CSMD2: variants seen among roughly 807,000 people sequenced by gnomAD.
The protein encoded by CSMD2 is CUB and Sushi multiple domains 2, also known as CUB and sushi domain-containing protein 2.
Under a neutral mutation model 398.5 loss-of-function variants are expected in CSMD2, and 130 were observed. The observed-to-expected ratio is 0.33, with a 90% CI of 0.28 to 0.38. The LOEUF (loss-of-function observed/expected upper bound fraction) is 0.38. Ranked by LOEUF, CSMD2 falls within the 10% of genes least tolerant of loss-of-function variation. The pLI, the probability that CSMD2 is intolerant of heterozygous loss-of-function variation, is 1.00. For synonymous variants in CSMD2, 1,828 were observed against 1,908.5 expected (o/e 0.96, Z 1.10); for missense variants, 3,829 against 4,764.9 (o/e 0.80, Z 5.78).
intron 9 of CSMD2, chr1:33,815,488 AAAAAAAGTGGGG>A (rs1485587250): frequency 6.6e-6 from 1 of 152,176 alleles, no homozygotes; most frequent in African/African-American, 2.4e-5. Flanking sequence ...AAAGTTACCC[AAAAAAAGTGGGG>A]AGTGGAGGGG....
At chr1:33,758,242 TAG>T (rs1649317261) in intron 13 of CSMD2, among the ~76,000 whole-genome samples, 1 of 152,204 alleles carries the variant, frequency 6.6e-6, no homozygotes, top group Non-Finnish European at 1.5e-5. Flanking sequence ...TTTCTTTTTC[TAG>T]AATGTTCGCT....
chr1:34,057,370 C>T (rs1221583213), intron 2 of CSMD2, among the ~76,000 whole-genome samples: 3 of 152,210 alleles, frequency 2.0e-5, no homozygotes, highest in African/African-American at 4.8e-5. Context: ...TTTCCCTTCT[C>T]CTAGACCCCT....
At chr1:34,007,330 A>G (rs560779011) in intron 3 of CSMD2, among the ~76,000 whole-genome samples, 26 of 152,326 alleles carry the variant, frequency 1.7e-4, no homozygotes, top group Admixed American at 5.2e-4. Context: ...CCATGGAACA[A>G]CAAGCTTCTG....
chr1:33,630,897 A>C (rs1642429281), intron 32 of CSMD2, among the ~76,000 whole-genome samples: 1 of 152,210 alleles, frequency 6.6e-6, no homozygotes, highest in African/African-American at 2.4e-5. Flanking sequence ...AATTTATGGC[A>C]TGAAGCCAAA....
intron 13 of CSMD2, among the ~76,000 whole-genome samples, chr1:33,754,928 GGCTGTTCATGGGTTCGA>G (rs747546651): frequency 7.2e-4 from 109 of 152,098 alleles, no homozygotes; most frequent in Non-Finnish European, 3.4e-4. Context: ...GAGGAGAAGG[GGCTGTTCATGGGTTCGA>G]GCAGGGTAGT....
rs774902906 is a variant in CSMD2 at position 33,533,228 on chromosome 1, G to C, written c.9993C>G (p.Pro3331=). ...GCGTCTCTGGCTGCCTGCAGTGGTG[G>C]GCTGGATGAGAGGAAAGACCCTGTT... ...TWSGTPPDCV[P]HHCRQPETPT... is the part of the protein sequence containing the mutation. The change falls in exon 64 of 71, where the codon CCC becomes CCG. Residue 3331 remains proline (P), a splice_region_variant and synonymous_variant. Coordinates refer to ENST00000373381, the MANE Select transcript of CSMD2 (RefSeq NM_001281956.2). The surrounding 1 kb of genome is among the most constrained non-coding windows in gnomAD (Gnocchi z 4.2). 2 of 1,613,658 alleles carry C rather than the reference G, an allele frequency of 1.2e-6. No homozygotes were observed. Among genetic ancestry groups the C allele is most frequent in the South Asian group, 2.2e-5 (2 of 90,946 alleles).
intron 1 of CSMD2, among the ~76,000 whole-genome samples, chr1:34,114,216 A>G (rs1661378586): frequency 6.6e-6 from 1 of 152,142 alleles, no homozygotes; most frequent in Non-Finnish European, 1.5e-5. Context: ...TATATATCCC[A>G]AGGAAAGCCC....
chr1:34,029,687 A>T (rs1650164586), intron 3 of CSMD2, among the ~76,000 whole-genome samples: 1 of 152,240 alleles, frequency 6.6e-6, no homozygotes, highest in South Asian at 2.1e-4. Context: ...TTTACCATGC[A>T]GTACAAAACA....
At chr1:34,155,576 T>C (rs1027848962) in intron 1 of CSMD2, among the ~76,000 whole-genome samples, 4 of 152,072 alleles carry the variant, frequency 2.6e-5, no homozygotes, top group Non-Finnish European at 5.9e-5. Flanking sequence ...CTTTTGAGTT[T>C]TCAGGAGCAG....
At chr1:33,788,837 C>T in intron 11 of CSMD2, 125 bp from the exon 12 acceptor site, 2 of 640,276 alleles carry the variant, frequency 3.1e-6, no homozygotes, top group South Asian at 3.7e-5. Context: ...TTCTGGGCCC[C>T]ACTGTGTTTC....
chr1:33,517,561 GC>G (rs1653877123), intron 70 of CSMD2, among the ~76,000 whole-genome samples: 1 of 152,134 alleles, frequency 6.6e-6, no homozygotes, highest in South Asian at 2.1e-4. Flanking sequence ...TTTCTCTTTT[GC>G]CTTCTATTGA....
chr1:33,850,478 T>C (rs995065435), intron 5 of CSMD2, among the ~76,000 whole-genome samples: 2 of 152,318 alleles, frequency 1.3e-5, no homozygotes, highest in Admixed American at 1.3e-4. Flanking sequence ...TACACTCACA[T>C]GTACATGCAA....
chr1:34,159,534 A>T (rs1423930781), intron 1 of CSMD2, among the ~76,000 whole-genome samples: 2 of 152,224 alleles, frequency 1.3e-5, no homozygotes, highest in East Asian at 1.9e-4. Flanking sequence ...GAATGGCAAC[A>T]AGGTTATGAG....
At chr1:34,111,119 C>CCTTTGTTT (rs1661039055) in intron 1 of CSMD2, among the ~76,000 whole-genome samples, 1 of 152,214 alleles carries the variant, frequency 6.6e-6, no homozygotes, top group African/African-American at 2.4e-5. Flanking sequence ...TTGTTTTACT[C>CCTTTGTTT]ACTGATGCGT....
Position 33,636,253 on chromosome 1 carries a change from G to T in CSMD2, c.4969+107C>A. 9.0e-7 allele frequency: 1 copy of T among 1,113,838 alleles called. No individual in the cohort carries two copies. The highest frequency in any genetic ancestry group is 1.3e-6 in the Non-Finnish European group (1 of 788,432). The allele number at this position is 1,113,838 out of a possible 1,614,324, so 69.0% of individuals were successfully genotyped here. The stretch of plus-strand genomic sequence containing the variant: ...ACCCAGGTTTGCCAGGCTTGGAGGA[G>T]CCGGGCTTGAGGACCTTGCCCCCCT... On this transcript the variant is annotated intron_variant, in intron 30 of 70. Transcript: ENST00000373381. This position sits in a 1 kb window ranked among gnomAD's most constrained non-coding sequence, Gnocchi z 4.8.
At chr1:33,928,662 C>CA (rs1310001731) in intron 4 of CSMD2, among the ~76,000 whole-genome samples, 3 of 152,180 alleles carry the variant, frequency 2.0e-5, no homozygotes, top group Non-Finnish European at 2.9e-5. Flanking sequence ...GTGAAACGTT[C>CA]TGGTATAGTA....
intron 42 of CSMD2, 63 bp from the exon 43 acceptor site, chr1:33,602,609 C>T: frequency 7.4e-7 from 1 of 1,350,760 alleles, no homozygotes. Context: ...AATTCAGATG[C>T]CTTCCTGAGG....
Position 34,164,325 on chromosome 1 carries a change from G to A in CSMD2, c.187+586C>T, listed in dbSNP as rs1381992858. 1.3e-5 allele frequency among the ~76,000 whole-genome samples: 2 copies of A among 152,154 alleles called. No homozygotes were observed. The highest frequency in any genetic ancestry group is 1.9e-4 in the East Asian group (1 of 5,132). ...TCCACCTGAACCCCCTCCTAGCTCC[G>A]AGCGCCGAGGGAGGGGTAGCATTTG... is the stretch of plus-strand genomic sequence containing the variant. On this transcript the variant is annotated intron_variant, in intron 1 of 70. Transcript: ENST00000373381. This position sits in a 1 kb window ranked among gnomAD's most constrained non-coding sequence, Gnocchi z 6.2.
In CSMD2 at chr1:33,624,130, G is replaced by GA. The variant is rs1282792227; in HGVS notation, c.5625+388dup. Among the ~76,000 whole-genome samples, 14 of 152,144 alleles carry GA rather than the reference G, an allele frequency of 9.2e-5. No homozygotes were observed. The highest frequency in any genetic ancestry group is 9.2e-4 in the Admixed American group (14 of 15,266). ...CCCCTTCTAACCCTCACAATCTTAA[G>GA]AAAATCTTTAGCCATTTGAGGAACA... On this transcript the variant is annotated intron_variant, in intron 35 of 70. Coordinates refer to ENST00000373381, the MANE Select transcript of CSMD2 (RefSeq NM_001281956.2). The surrounding 1 kb of genome is among the most constrained non-coding windows in gnomAD (Gnocchi z 4.7).
Sources: allele counts gnomAD v4.1 joint callset (sites outside exome capture counted in the v4.1 genomes callset), GRCh38; gene constraint gnomAD v4.1.1; non-coding constraint Gnocchi (gnomAD v3.1); transcripts MANE v1.5; gene names NCBI Gene and HGNC (gene_info 2026-07-23, HGNC 2026-07-21).